The following ZFAND3 variants were observed in gnomAD, a reference collection of about 807,000 sequenced individuals.
ZFAND3 encodes the protein AN1-type zinc finger protein 3.
A neutral mutation model predicts 29.6 loss-of-function variants in ZFAND3; 10 were observed. The observed-to-expected ratio is 0.34, with a 90% CI of 0.21 to 0.57. The LOEUF (loss-of-function observed/expected upper bound fraction) is 0.57. Among genes scored for constraint, ZFAND3 ranks in the 20% least tolerant of loss-of-function variants. ZFAND3 has a pLI of 0.86. For missense variants in ZFAND3, 230 were observed against 304.5 expected (o/e 0.76, Z 1.82); for synonymous variants, 128 against 112.6 (o/e 1.14, Z -0.87).
At chr6:37,891,280 T>C (rs1765093490) in intron 1 of ZFAND3, among the ~76,000 whole-genome samples, 1 of 152,190 alleles carries the variant, frequency 6.6e-6, no homozygotes, top group Non-Finnish European at 1.5e-5. Flanking sequence ...CATAATTCCA[T>C]TATATGGTTG....
At chr6:38,120,251 G>A (rs1220737927) in intron 5 of ZFAND3, among the ~76,000 whole-genome samples, 3 of 148,892 alleles carry the variant, frequency 2.0e-5, no homozygotes, top group Non-Finnish European at 3.0e-5. Context: ...TCAAATCTGG[G>A]CCACGTCACA....
At chr6:37,902,493 A>ACAC (rs916033013) in intron 1 of ZFAND3, among the ~76,000 whole-genome samples, 11 of 152,088 alleles carry the variant, frequency 7.2e-5, no homozygotes, top group Admixed American at 5.2e-4. Flanking sequence ...CTGTCTCAAA[A>ACAC]CACCACCACC....
chr6:37,960,055 A>G (rs892816591), intron 2 of ZFAND3, among the ~76,000 whole-genome samples: 3 of 152,224 alleles, frequency 2.0e-5, no homozygotes, highest in Non-Finnish European at 2.9e-5. Context: ...GCAACACAGT[A>G]TTTCAAGCAA....
intron 5 of ZFAND3, among the ~76,000 whole-genome samples, chr6:38,128,686 T>G (rs568803771): frequency 1.4e-4 from 21 of 151,550 alleles, no homozygotes; most frequent in African/African-American, 5.1e-4. Flanking sequence ...GGCTGAGTAT[T>G]ACTCCATCAT....
At chr6:37,962,912 G>A (rs1338298709) in intron 2 of ZFAND3, among the ~76,000 whole-genome samples, 2 of 152,234 alleles carry the variant, frequency 1.3e-5, no homozygotes, top group African/African-American at 2.4e-5. Context: ...TGAAGTCAGC[G>A]AGACCACGAA....
chr6:37,844,411 A>G (rs1764139181), intron 1 of ZFAND3, among the ~76,000 whole-genome samples: 1 of 151,930 alleles, frequency 6.6e-6, no homozygotes, highest in Non-Finnish European at 1.5e-5. Context: ...GCTCCCGAGT[A>G]GCTGGGACTA....
intron 5 of ZFAND3, among the ~76,000 whole-genome samples, chr6:38,125,882 GT>G (rs1431401759): frequency 3.3e-5 from 5 of 152,242 alleles, no homozygotes; most frequent in South Asian, 2.1e-4. Flanking sequence ...GGTTGAATGA[GT>G]TTTATTACTT....
At chr6:37,978,917 G>T (rs1315897827) in intron 2 of ZFAND3, among the ~76,000 whole-genome samples, 1 of 151,308 alleles carries the variant, frequency 6.6e-6, no homozygotes, top group Non-Finnish European at 1.5e-5. Context: ...TAAAACTGTA[G>T]TGAAGACACC....
At chr6:38,124,525 G>A (rs766275737) in intron 5 of ZFAND3, among the ~76,000 whole-genome samples, 3 of 152,196 alleles carry the variant, frequency 2.0e-5, no homozygotes, top group East Asian at 1.9e-4. Context: ...GCGCAGTGCC[G>A]GTGGGCCGCA....
In ZFAND3 at chr6:38,031,833, TC is replaced by T. The variant is rs544751768; in HGVS notation, c.113-29752del. Among the ~76,000 whole-genome samples the T allele has an allele frequency of 3.4e-4, 41 of 119,520 alleles. 1 individual carries two copies. Among genetic ancestry groups the T allele is most frequent in the African/African-American group, 7.8e-4 (25 of 31,902 alleles). 78.4% of individuals were successfully genotyped at this position (119,520 alleles called of 152,430 possible). On this transcript the variant is annotated intron_variant, in intron 2 of 5. Coordinates refer to ENST00000287218, the MANE Select transcript of ZFAND3 (RefSeq NM_021943.3). The stretch of plus-strand genomic sequence containing the variant: ...AACTTACAGTTTCATATTCTGCCCC[TC>T]CCCCCCCGCCCCACGCTGTCCCAGG...
chr6:38,052,528 T>C (rs1764046389), intron 2 of ZFAND3, among the ~76,000 whole-genome samples: 1 of 152,192 alleles, frequency 6.6e-6, no homozygotes, highest in Non-Finnish European at 1.5e-5. Context: ...AAATTTATAT[T>C]ATGTATTATG....
At chr6:38,072,966 A>G (rs962120020) in intron 3 of ZFAND3, among the ~76,000 whole-genome samples, 3 of 152,210 alleles carry the variant, frequency 2.0e-5, no homozygotes, top group African/African-American at 4.8e-5. Context: ...ATTTTCAACT[A>G]TTAGTTGCAA....
chr6:37,866,963 G>A (rs1317690765), intron 1 of ZFAND3, among the ~76,000 whole-genome samples: 1 of 152,150 alleles, frequency 6.6e-6, no homozygotes, highest in African/African-American at 2.4e-5. Flanking sequence ...CTCCATTTGT[G>A]GAGAAGGCTT....
intron 2 of ZFAND3, among the ~76,000 whole-genome samples, chr6:38,053,053 AAG>A (rs1358728051): frequency 1.3e-5 from 2 of 149,476 alleles, no homozygotes; most frequent in Non-Finnish European, 3.0e-5. Flanking sequence ...AAAAAAGAAA[AAG>A]AAAAAAAAAA....
At chr6:38,034,581 A>G (rs1763623079) in intron 2 of ZFAND3, among the ~76,000 whole-genome samples, 1 of 152,200 alleles carries the variant, frequency 6.6e-6, no homozygotes, top group African/African-American at 2.4e-5. Context: ...GACCAATGTA[A>G]CTAAAAATAA....
intron 5 of ZFAND3, among the ~76,000 whole-genome samples, chr6:38,135,538 A>G (rs1332974531): frequency 6.6e-6 from 1 of 152,214 alleles, no homozygotes; most frequent in Non-Finnish European, 1.5e-5. Flanking sequence ...TGAGGTCAGG[A>G]GTTCGAGACA....
intron 2 of ZFAND3, among the ~76,000 whole-genome samples, chr6:38,002,284 T>C (rs1342626323): frequency 1.5e-5 from 2 of 131,844 alleles, no homozygotes; most frequent in African/African-American, 2.6e-5. Flanking sequence ...TATTTTCTTT[T>C]CTTTTTTTTT....
At chr6:38,023,312 T>TG (rs1337733977) in intron 2 of ZFAND3, among the ~76,000 whole-genome samples, 10 of 152,208 alleles carry the variant, frequency 6.6e-5, no homozygotes, top group Admixed American at 2.6e-4. Flanking sequence ...ACAGTTGATG[T>TG]GATTGAAGTA....
Position 37,899,211 on chromosome 6 carries a change from A to T in ZFAND3, c.72-30748A>T, listed in dbSNP as rs1206509018. On this transcript the variant is annotated intron_variant, in intron 1 of 5. Coordinates refer to ENST00000287218, the MANE Select transcript of ZFAND3 (RefSeq NM_021943.3). ...CACCACACCTGGCCATTCGTTTCTG[A>T]TTTTTAAGATTCCTTTTTCTTTTGA... Among the ~76,000 whole-genome samples the T allele has an allele frequency of 1.3e-5, 2 of 151,980 alleles. 1 individual carries two copies.
Sources: gnomAD v4.1 joint callset for allele counts (sites outside exome capture counted in the v4.1 genomes callset) on GRCh38, gnomAD v4.1.1 for gene constraint, MANE v1.5 for transcripts, NCBI Gene and HGNC (gene_info 2026-07-23, HGNC 2026-07-21) for gene names.